Variants in ALAS1 observed in about 807,000 individuals in gnomAD.
ALAS1 encodes the protein 5-aminolevulinate synthase, non-specific, mitochondrial.
ALAS1 carries 29 observed loss-of-function variants against 59.6 expected under a neutral mutation model. The observed-to-expected ratio is 0.49, with a 90% CI of 0.36 to 0.66. The LOEUF is 0.66. Among genes scored for constraint, ALAS1 ranks in the 30% least tolerant of loss-of-function variants. ALAS1 has a pLI of 0.00. For missense variants in ALAS1, 690 were observed against 807.5 expected, an observed-to-expected ratio of 0.85 and a Z score of 1.76; for synonymous variants, 299 against 296.6, an observed-to-expected ratio of 1.01 and a Z score of -0.08.
At chr3:52,203,727 G>T (rs924626997) in intron 4 of ALAS1, 136 bp from the exon 5 acceptor site, 1 of 944,866 alleles carries the variant, frequency 1.1e-6, no homozygotes, top group African/African-American at 1.7e-5. Flanking sequence ...TGTACACTCA[G>T]TTATAACTAA....
Position 52,212,291 on chromosome 3 carries a change from G to A in ALAS1, c.1633G>A (p.Asp545Asn). 6.2e-7 allele frequency: 1 copy of A among 1,614,076 alleles called. No individual in the cohort carries two copies. Among genetic ancestry groups the A allele is most frequent in the Admixed American group, 1.7e-5 (1 of 60,022 alleles). The change falls in exon 11 of 12, where the codon GAT becomes AAT. Residue 545 changes from aspartate (D) to asparagine (N), a missense_variant. Transcript: ENST00000484952. ...TGCTGCTAAAAACACAGAAGTCTGT[G>A]ATGAACTAATGAGCAGACATAACAT... ...ADAAKNTEVC[D>N]ELMSRHNIYV...
intron 7 of ALAS1, among the ~76,000 whole-genome samples, chr3:52,206,231 G>A (rs112808934): frequency 1.2e-4 from 19 of 152,286 alleles, no homozygotes; most frequent in Admixed American, 2.0e-4. Context: ...AACTTGAAAC[G>A]TCTCATCCTT....
In ALAS1 at chr3:52,205,986, T is replaced by A. The variant is rs760798815; in HGVS notation, c.948T>A (p.Asn316Lys). 1.9e-6 allele frequency: 3 copies of A among 1,614,056 alleles called. No homozygotes were observed. The South Asian group carries it at 3.3e-5, about 18-fold the overall frequency. ...TGTTTTCCTCGTGCTTTGTGGCCAA[T>A]GACTCAACCCTCTTCACCCTGGCTA... Reference protein sequence around the residue: ...ALLFSSCFVANDSTLFTLAKM... With the variant: ...ALLFSSCFVAKDSTLFTLAKM... The change falls in exon 7 of 12, where the codon AAT (asparagine) becomes AAA (lysine). Residue 316 changes from asparagine to lysine, a missense_variant. Transcript: ENST00000484952.
intron 5 of ALAS1, among the ~76,000 whole-genome samples, chr3:52,204,288 G>A (rs1206484873): frequency 7.2e-5 from 11 of 152,206 alleles, no homozygotes; most frequent in Middle Eastern, 3.2e-3. Flanking sequence ...GGAGGCTAAG[G>A]TAGGAAGATT....
In ALAS1 at chr3:52,202,526, C is replaced by T. The variant is rs778676420; in HGVS notation, c.219C>T (p.Ala73=). The T allele has an allele frequency of 5.6e-6, 9 of 1,613,362 alleles. No homozygotes were observed. Among genetic ancestry groups the T allele is most frequent in the Non-Finnish European group, 7.6e-6 (9 of 1,179,482 alleles). The change falls in exon 4 of 12, where the codon GCC becomes GCT. Residue 73 remains alanine (A), a synonymous_variant. Coordinates refer to ENST00000484952, the MANE Select transcript of ALAS1 (RefSeq NM_000688.6). ...CCTCAGAAGACAAAACTGCTAAGGC[C>T]AAGGTCCAACAGACTCCTGATGGAT... ...PASEKDKTAK[A]KVQQTPDGSQ...
chr3:52,212,479 A>G (rs747058270), intron 11 of ALAS1, 59 bp downstream of exon 11: 6 of 1,599,782 alleles, frequency 3.8e-6, no homozygotes, highest in Non-Finnish European at 5.1e-6. Context: ...CTGTCTTTGC[A>G]GTGTTTATAA....
At chr3:52,213,959 A>G (rs1699463918) in intron 11 of ALAS1, 61 bp from the exon 12 acceptor site, 2 of 1,472,530 alleles carry the variant, frequency 1.4e-6, no homozygotes, top group African/African-American at 1.4e-5. Context: ...GTGTGGACAT[A>G]TGTTTTCATT....
intron 9 of ALAS1, among the ~76,000 whole-genome samples, chr3:52,209,786 C>T (rs1022695126): frequency 4.6e-5 from 7 of 152,056 alleles, no homozygotes; most frequent in African/African-American, 1.7e-4. Context: ...CTCAAGTGAT[C>T]CTCCCACCTC....
chr3:52,204,812 G>A lies in ALAS1; in HGVS notation c.697G>A (p.Asp233Asn). 1 of 1,614,218 alleles carries A rather than the reference G, an allele frequency of 6.2e-7. No individual in the cohort carries two copies. The highest frequency in any genetic ancestry group is 8.5e-7 in the Non-Finnish European group (1 of 1,180,042). Residue 233 changes from aspartate (D) to asparagine (N), a missense_variant, in exon 6 of 12, where the codon GAT becomes AAT. Transcript: ENST00000484952. The part of the protein sequence containing the change: ...NRRAHIFPMA[D>N]DYSDSLITKK... Reference sequence around the variant, plus strand: ...GCGAGCACACATCTTCCCCATGGCAGATGACTATTCAGACTCCCTCATCAC... The same window carrying A: ...GCGAGCACACATCTTCCCCATGGCAAATGACTATTCAGACTCCCTCATCAC...
intron 4 of ALAS1, 41 bp downstream of exon 4, chr3:52,202,775 T>TAAAAGGACC: frequency 6.3e-7 from 1 of 1,575,438 alleles, no homozygotes. Context: ...AGTGAAGGGG[T>TAAAAGGACC]CCTTTTAGTT....
chr3:52,213,106 A>G (rs1338066444), intron 11 of ALAS1, among the ~76,000 whole-genome samples: 1 of 152,166 alleles, frequency 6.6e-6, no homozygotes, highest in Non-Finnish European at 1.5e-5. Flanking sequence ...CCTCTACTCC[A>G]TGATGTTGTA....
At chr3:52,205,714 T>G in intron 6 of ALAS1, 125 bp from the exon 7 acceptor site, 1 of 918,430 alleles carries the variant, frequency 1.1e-6, no homozygotes, top group Non-Finnish European at 1.6e-6. Context: ...GACCCCAGGT[T>G]TCACAGTGAG....
In ALAS1 at chr3:52,205,909, G is replaced by A. The variant is rs1371061416; in HGVS notation, c.871G>A (p.Val291Met). 6.2e-7 allele frequency: 1 copy of A among 1,614,206 alleles called. No individual in the cohort carries two copies. Among genetic ancestry groups the A allele is most frequent in the Admixed American group, 1.7e-5 (1 of 60,018 alleles). Residue 291 changes from valine to methionine, a missense_variant, in exon 7 of 12, where the codon GTG (valine) becomes ATG (methionine). Coordinates refer to ENST00000484952, the MANE Select transcript of ALAS1 (RefSeq NM_000688.6). Reference protein sequence around the residue: ...RNISGTSKFHVDLERELADLH... With the variant: ...RNISGTSKFHMDLERELADLH... ...TATTTCTGGAACTAGTAAATTCCAT[G>A]TGGACTTAGAGCGGGAGCTGGCAGA... is the stretch of plus-strand genomic sequence containing the variant.
At chr3:52,198,620 C>G in intron 1 of ALAS1, 52 bp from the exon 2 acceptor site, 1 of 617,498 alleles carries the variant, frequency 1.6e-6, no homozygotes, top group African/African-American at 1.8e-5. Flanking sequence ...CAGTGAGGCC[C>G]AAGGCGCTGG....
chr3:52,207,072 C>T (rs190646645), intron 8 of ALAS1, among the ~76,000 whole-genome samples: 3,093 of 148,410 alleles, frequency 0.021, 96 homozygotes, highest in African/African-American at 0.073. Context: ...GGCGTGATCT[C>T]GGCTCACTGC....
chr3:52,202,633 C>G lies in ALAS1; in HGVS notation c.326C>G (p.Pro109Arg). The change falls in exon 4 of 12, where the codon CCT (proline) becomes CGT (arginine). Residue 109 changes from proline to arginine, a missense_variant. Pro to Arg is a moderately radical substitution (Grantham distance 103). Coordinates refer to ENST00000484952, the MANE Select transcript of ALAS1 (RefSeq NM_000688.6). ...ATSQGTASKC[P>R]FLAAQMNQRG... ...AGCCAGGGCACTGCAAGCAAATGCCCTTTCCTGGCAGCACAGATGAATCAG... is the reference window on the plus strand; with the variant it reads ...AGCCAGGGCACTGCAAGCAAATGCCGTTTCCTGGCAGCACAGATGAATCAG... 1 of 1,614,180 alleles carries G rather than the reference C, an allele frequency of 6.2e-7. No individual in the cohort carries two copies. Among genetic ancestry groups the G allele is most frequent in the Non-Finnish European group, 8.5e-7 (1 of 1,180,040 alleles).
chr3:52,199,279 G>A lies in ALAS1; in HGVS notation c.38G>A (p.Arg13Gln), dbSNP rs35338461. ...GTTCGCCGCTGCCCATTCTTATCCC[G>A]AGTCCCCCAGGCCTTTCTGCAGAAA... is the stretch of plus-strand genomic sequence containing the variant. ...SVVRRCPFLS[R>Q]VPQAFLQKAG... The change falls in exon 3 of 12, where the codon CGA becomes CAA. Residue 13 changes from arginine (R) to glutamine (Q), a missense_variant. Physicochemically the swap from Arg to Gln is conservative, Grantham distance 43. Transcript: ENST00000484952. 5.7e-3 allele frequency: 9,206 copies of A among 1,614,072 alleles called. 77 individuals carry two copies. Among genetic ancestry groups the A allele is most frequent in the South Asian group, 0.025 (2,301 of 91,070 alleles).
chr3:52,198,961 G>T, intron 2 of ALAS1, 113 bp downstream of exon 2: 1 of 946,672 alleles, frequency 1.1e-6, no homozygotes, highest in Non-Finnish European at 1.5e-6. Flanking sequence ...TGTACTGTCA[G>T]TATTCATTTG....
chr3:52,206,201 G>A (rs551785183), intron 7 of ALAS1, among the ~76,000 whole-genome samples, 178 bp downstream of exon 7: 117 of 152,340 alleles, frequency 7.7e-4, no homozygotes, highest in African/African-American at 2.7e-3. Flanking sequence ...CCAGGAGAAC[G>A]TGATACCAGT....
Sources: gnomAD v4.1 joint callset for allele counts (sites outside exome capture counted in the v4.1 genomes callset) on GRCh38, gnomAD v4.1.1 for gene constraint, MANE v1.5 for transcripts, NCBI Gene and HGNC (gene_info 2026-07-23, HGNC 2026-07-21) for gene names.